Variants in SLC8A1 observed in about 807,000 individuals in gnomAD.
SLC8A1 encodes solute carrier family 8 member A1.
Under a neutral mutation model 68.3 loss-of-function variants are expected in SLC8A1, and 18 were observed. That is an observed-to-expected ratio of 0.26 (90% CI 0.18 to 0.39). SLC8A1 has a LOEUF of 0.39. SLC8A1 is among the 10% of genes least tolerant of loss of function. The pLI is 1.00. For missense variants in SLC8A1, 985 were observed against 1,156.7 expected, an observed-to-expected ratio of 0.85 and a Z score of 2.15; for synonymous variants, 475 against 415.5, an observed-to-expected ratio of 1.14 and a Z score of -1.74.
chr2:40,237,889 T>G (rs1488920265), intron 2 of SLC8A1, among the ~76,000 whole-genome samples: 1 of 152,062 alleles, frequency 6.6e-6, no homozygotes, highest in Non-Finnish European at 1.5e-5. Flanking sequence ...GTGCCCCTGC[T>G]GGGGGGTGCC....
At position 40,097,934 on chromosome 2, in the gene SLC8A1, C is replaced by T. The variant is rs921083578; in HGVS notation, c.*17319G>A. On this transcript the variant is annotated 3_prime_UTR_variant, in exon 8 of 8. Transcript: ENST00000406785. Reference sequence around the variant, plus strand: ...GCTTACCCTTTGAAATCACATATAACGATGGTGCTATACAAACATCACAAA... The same window carrying T: ...GCTTACCCTTTGAAATCACATATAATGATGGTGCTATACAAACATCACAAA... 13 of 151,978 alleles carry T rather than the reference C, an allele frequency of 8.6e-5. No individual in the cohort carries two copies. The South Asian group carries it at 1.0e-3, about 12-fold the overall frequency. The allele number at this position is 151,978 out of a possible 1,614,324, so 9.4% of individuals were successfully genotyped here. A position where few individuals can be genotyped will look rare whatever the true frequency, so the allele number is the denominator to read the frequency against.
intron 2 of SLC8A1, among the ~76,000 whole-genome samples, chr2:40,371,537 C>G (rs1678061079): frequency 6.6e-6 from 1 of 152,082 alleles, no homozygotes; most frequent in Admixed American, 6.6e-5. Flanking sequence ...TCTTCTACCT[C>G]TTAGGGTTTT....
At position 40,489,483 on chromosome 2, in the gene SLC8A1, C is replaced by G. The variant is rs577994381; in HGVS notation, c.-25+22866G>C. Among the ~76,000 whole-genome samples, 7 of 152,114 alleles carry G rather than the reference C, an allele frequency of 4.6e-5. No individual in the cohort carries two copies. In the South Asian group the frequency reaches 1.0e-3, roughly 23 times the overall value. On this transcript the variant is annotated intron_variant, in intron 1 of 7. Transcript: ENST00000402441. ...TCACGGTCTGTGCCTTTTCACCCAC[C>G]GAAAAGTCTGTTCTCACTTTTCTGA...
In SLC8A1 at chr2:40,193,743, T is replaced by C. The variant is rs113923932; in HGVS notation, c.1809-15888A>G. 2.7e-3 allele frequency among the ~76,000 whole-genome samples: 414 copies of C among 152,158 alleles called. 6 individuals carry two copies. The highest frequency in any genetic ancestry group is 0.017 in the Middle Eastern group (5 of 294). On this transcript the variant is annotated intron_variant, in intron 2 of 7. Coordinates refer to ENST00000406785, the Ensembl canonical transcript of SLC8A1. ...ATCACTAACTCTAGAATAAAGCTTG[T>C]ATTGTAGTGAAGGAGAGGGGGCAGG... is the stretch of plus-strand genomic sequence containing the variant.
At chr2:40,260,003 T>C (rs1010154761) in intron 2 of SLC8A1, among the ~76,000 whole-genome samples, 1 of 152,234 alleles carries the variant, frequency 6.6e-6, no homozygotes, top group Non-Finnish European at 1.5e-5. Flanking sequence ...AGAAAGTTGA[T>C]AGTGAACTCA....
chr2:40,293,802 A>C (rs2069789131), intron 2 of SLC8A1, among the ~76,000 whole-genome samples: 1 of 152,174 alleles, frequency 6.6e-6, no homozygotes, highest in Non-Finnish European at 1.5e-5. Context: ...ATGTAGACTT[A>C]TCTATGGTAT....
chr2:40,304,150 G>A (rs1013932486), intron 2 of SLC8A1, among the ~76,000 whole-genome samples: 13 of 152,178 alleles, frequency 8.5e-5, no homozygotes, highest in Non-Finnish European at 1.8e-4. Flanking sequence ...CAAACACATG[G>A]TAGTGTTTTA....
chr2:40,358,494 G>C (rs1462503573), intron 2 of SLC8A1, among the ~76,000 whole-genome samples: 1 of 152,178 alleles, frequency 6.6e-6, no homozygotes, highest in African/African-American at 2.4e-5. Context: ...ATCAAGGAAA[G>C]AATAAGGGAT....
chr2:40,120,324 C>A (rs1049843904), intron 7 of SLC8A1, among the ~76,000 whole-genome samples: 3 of 152,170 alleles, frequency 2.0e-5, no homozygotes, highest in South Asian at 4.1e-4. Flanking sequence ...CTTCTCCCAG[C>A]AACCAGACCT....
intron 2 of SLC8A1, among the ~76,000 whole-genome samples, chr2:40,291,070 G>GTGAT (rs1332821477): frequency 3.9e-5 from 6 of 152,202 alleles, no homozygotes. Context: ...TAGGTGTCTA[G>GTGAT]TGATCATAGT....
At chr2:40,494,839 A>G (rs1418303181) in intron 1 of SLC8A1, among the ~76,000 whole-genome samples, 1 of 151,306 alleles carries the variant, frequency 6.6e-6, no homozygotes, top group Middle Eastern at 3.2e-3. Context: ...TCTTAGTTAT[A>G]TTTCTAAGGA....
intron 7 of SLC8A1, among the ~76,000 whole-genome samples, chr2:40,128,222 T>A (rs1360103664): frequency 2.0e-5 from 3 of 152,274 alleles, no homozygotes; most frequent in African/African-American, 7.2e-5. Context: ...GTTAGCATTT[T>A]ATTTGTTCTC....
chr2:40,354,971 TG>T (rs1330127794), intron 2 of SLC8A1, among the ~76,000 whole-genome samples: 1 of 152,192 alleles, frequency 6.6e-6, no homozygotes, highest in Non-Finnish European at 1.5e-5. Context: ...AAATGCTTTT[TG>T]AAGAGTGTTT....
At chr2:40,196,537 G>T (rs2053065531) in intron 2 of SLC8A1, among the ~76,000 whole-genome samples, 1 of 151,900 alleles carries the variant, frequency 6.6e-6, no homozygotes, top group Non-Finnish European at 1.5e-5. Context: ...TCAAATCAGA[G>T]CCTCTGCATG....
intron 1 of SLC8A1, among the ~76,000 whole-genome samples, chr2:40,442,166 T>C (rs1228241943): frequency 1.3e-5 from 2 of 151,308 alleles, no homozygotes; most frequent in East Asian, 2.0e-4. Flanking sequence ...AACCTGCACA[T>C]TGTGCACATG....
intron 2 of SLC8A1, among the ~76,000 whole-genome samples, chr2:40,212,255 C>T (rs2056718344): frequency 6.8e-6 from 1 of 147,930 alleles, no homozygotes; most frequent in South Asian, 2.1e-4. Flanking sequence ...TACTTATTTC[C>T]AGGTGCTAAA....
chr2:40,271,379 C>G (rs923039028), intron 2 of SLC8A1, among the ~76,000 whole-genome samples: 1 of 152,100 alleles, frequency 6.6e-6, no homozygotes, highest in African/African-American at 2.4e-5. Context: ...GGGTTGACCC[C>G]GGATCTTTGC....
intron 2 of SLC8A1, among the ~76,000 whole-genome samples, chr2:40,290,347 T>C (rs960741850): frequency 7.9e-5 from 12 of 152,174 alleles, no homozygotes; most frequent in Non-Finnish European, 1.6e-4. Flanking sequence ...GACCCATATA[T>C]AGCACTGATT....
intron 4 of SLC8A1, among the ~76,000 whole-genome samples, chr2:40,170,587 A>G (rs1286767728): frequency 1.3e-5 from 2 of 152,122 alleles, no homozygotes; most frequent in African/African-American, 4.8e-5. Context: ...GCCAAACAAG[A>G]CTGTGTCAAC....
Sources: allele counts gnomAD v4.1 joint callset (sites outside exome capture counted in the v4.1 genomes callset), GRCh38; gene constraint gnomAD v4.1.1; transcripts MANE v1.5; gene names NCBI Gene and HGNC (gene_info 2026-07-23, HGNC 2026-07-21).